The following GSDMC variants were observed in gnomAD, a reference collection of about 807,000 sequenced individuals.
The protein encoded by GSDMC is gasdermin-C.
In GSDMC, 59 loss-of-function variants were observed where a neutral mutation model predicts 58.0. The observed-to-expected ratio is 1.02, with a 90% CI of 0.82 to 1.26. The LOEUF (loss-of-function observed/expected upper bound fraction) is 1.26, where lower values mean the gene tolerates loss of function less well. Ranked by LOEUF, GSDMC falls within the 50% of genes most tolerant of loss-of-function variation. GSDMC has a pLI of 0.00. For synonymous variants in GSDMC, 241 were observed against 220.2 expected (o/e 1.09, Z -0.83); for missense variants, 659 against 598.5 (o/e 1.10, Z -1.06).
the GSDMC span, among the ~76,000 whole-genome samples, chr8:129,733,783 G>C: frequency 0.32 from 49,312 of 152,028 alleles, 11,583 homozygotes; most frequent in African/African-American, 0.65. Context: ...GACGACAGCT[G>C]GTGAGGACCA....
At chr8:129,781,206 A>T (rs1466442773) in intron 1 of GSDMC, among the ~76,000 whole-genome samples, 1 of 152,178 alleles carries the variant, frequency 6.6e-6, no homozygotes, top group Non-Finnish European at 1.5e-5. Flanking sequence ...ATGTAAATGA[A>T]CTAAACTGTC....
the GSDMC span, chr8:129,706,615 G>A: frequency 6.6e-6 from 1 of 152,310 alleles, no homozygotes; most frequent in East Asian, 1.9e-4. Flanking sequence ...ATCTGTGGAA[G>A]GAATGATGGA....
the GSDMC span, among the ~76,000 whole-genome samples, chr8:129,716,496 A>G: frequency 6.6e-6 from 1 of 152,214 alleles, no homozygotes; most frequent in East Asian, 1.9e-4. Context: ...GAAGTGGCTT[A>G]TCAGCTTAAG....
At chr8:129,713,802 C>T in the GSDMC span, among the ~76,000 whole-genome samples, 3 of 152,014 alleles carry the variant, frequency 2.0e-5, no homozygotes, top group Non-Finnish European at 4.4e-5. Context: ...AGCCAGAGTT[C>T]CCAACCACCC....
At chr8:129,781,482 C>T (rs1186473290) in intron 1 of GSDMC, among the ~76,000 whole-genome samples, 5 of 152,174 alleles carry the variant, frequency 3.3e-5, no homozygotes, top group African/African-American at 7.2e-5. Flanking sequence ...CGATGGCTCA[C>T]GCCTGTAATC....
At chr8:129,761,916 T>G (rs1193639717) in intron 5 of GSDMC, among the ~76,000 whole-genome samples, 1 of 152,010 alleles carries the variant, frequency 6.6e-6, no homozygotes, top group East Asian at 1.9e-4. Context: ...GGCAGTAGAG[T>G]GTGAGAGTGA....
At chr8:129,777,773 A>G (rs1048170518) in intron 1 of GSDMC, among the ~76,000 whole-genome samples, 182 bp from the exon 2 acceptor site, 3 of 152,102 alleles carry the variant, frequency 2.0e-5, no homozygotes, top group African/African-American at 7.2e-5. Flanking sequence ...TGTTTTTGAG[A>G]CAGGGTCTTG....
intron 6 of GSDMC, among the ~76,000 whole-genome samples, chr8:129,754,944 A>G (rs149695174): frequency 1.7e-3 from 258 of 152,288 alleles, no homozygotes; most frequent in African/African-American, 5.9e-3. Flanking sequence ...AGAATAAAAA[A>G]CAATGAAGCA....
At chr8:129,775,912 T>C (rs2034208042) in intron 3 of GSDMC, among the ~76,000 whole-genome samples, 190 bp downstream of exon 3, 1 of 152,194 alleles carries the variant, frequency 6.6e-6, no homozygotes, top group Non-Finnish European at 1.5e-5. Flanking sequence ...TAATAAGTAT[T>C]TGTTAGGTAA....
At chr8:129,781,002 G>A (rs1164326865) in intron 1 of GSDMC, among the ~76,000 whole-genome samples, 1 of 152,218 alleles carries the variant, frequency 6.6e-6, no homozygotes, top group East Asian at 1.9e-4. Flanking sequence ...GCATTTGCAA[G>A]CCTCATAGTA....
In GSDMC at chr8:129,786,438, T is replaced by A. The variant is rs2034557683; in HGVS notation, c.-432A>T. ...AACTCCAGGACCAGATCAATGTGAT[T>A]CTGTTCACTGTTCTCTTCTCACCAA... On this transcript the variant is annotated 5_prime_UTR_variant, in exon 1 of 14. Transcript: ENST00000276708. 1 of 152,218 alleles carries A rather than the reference T, an allele frequency of 6.6e-6. No homozygotes were observed. The highest frequency in any genetic ancestry group is 2.4e-5 in the African/African-American group (1 of 41,456). The allele number at this position is 152,218 out of a possible 1,614,324, so 9.4% of individuals were successfully genotyped here.
At chr8:129,729,964 C>G in the GSDMC span, 1 of 1,513,176 alleles carries the variant, frequency 6.6e-7, no homozygotes, top group Non-Finnish European at 9.2e-7. Flanking sequence ...GCGGGGGCAG[C>G]ATGTAAATAC....
At position 129,765,797 on chromosome 8, in the gene GSDMC, G is replaced by A; in HGVS notation, c.405-4C>T. On this transcript the variant is annotated splice_polypyrimidine_tract_variant and splice_region_variant and intron_variant, in intron 3 of 13. Coordinates refer to ENST00000276708, the MANE Select transcript of GSDMC (RefSeq NM_031415.3). ...TGGCTCTGGATCCAACAGTTTCCTG[G>A]GGATTTAAGGAAGGAGGACAAGAGT... 6.2e-7 allele frequency: 1 copy of A among 1,612,266 alleles called. No individual in the cohort carries two copies. The highest frequency in any genetic ancestry group is 8.5e-7 in the Non-Finnish European group (1 of 1,179,168).
At chr8:129,714,856 G>A in the GSDMC span, among the ~76,000 whole-genome samples, 2 of 152,052 alleles carry the variant, frequency 1.3e-5, no homozygotes, top group Non-Finnish European at 2.9e-5. Flanking sequence ...TAAATAACTT[G>A]ATAAATATAG....
chr8:129,763,536 G>T (rs552567350), intron 4 of GSDMC, among the ~76,000 whole-genome samples: 1 of 151,980 alleles, frequency 6.6e-6, no homozygotes, highest in African/African-American at 2.4e-5. Context: ...TCTGGAACTC[G>T]TATTATTCAG....
chr8:129,765,822 T>C (rs1273259872), intron 3 of GSDMC, 29 bp from the exon 4 acceptor site: 1 of 1,600,670 alleles, frequency 6.2e-7, no homozygotes, highest in South Asian at 1.1e-5. Context: ...AGGACAAGAG[T>C]CAGAGTGGGA....
intron 7 of GSDMC, 50 bp from the exon 8 acceptor site, chr8:129,752,197 A>G (rs759786214): frequency 5.7e-6 from 8 of 1,408,300 alleles, no homozygotes; most frequent in Non-Finnish European, 8.0e-6. Context: ...GTCTACCCCT[A>G]CTTTTCCTCC....
downstream of GSDMC, chr8:129,748,052 T>C (rs924913882): frequency 7.2e-5 from 11 of 152,490 alleles, no homozygotes; most frequent in African/African-American, 2.4e-4. Context: ...TTCACCCATA[T>C]TCCCCAATTA....
the GSDMC span, among the ~76,000 whole-genome samples, chr8:129,742,615 T>C: frequency 1.3e-5 from 2 of 152,092 alleles, no homozygotes; most frequent in African/African-American, 4.8e-5. Flanking sequence ...TCCATTCAAC[T>C]CGAGGAGGTT....
Sources: gnomAD v4.1 joint callset for allele counts (sites outside exome capture counted in the v4.1 genomes callset) on GRCh38, gnomAD v4.1.1 for gene constraint, MANE v1.5 for transcripts, NCBI Gene and HGNC (gene_info 2026-07-23, HGNC 2026-07-21) for gene names.